The following BAZ2B variants were observed in gnomAD, a reference collection of about 807,000 sequenced individuals.
BAZ2B encodes bromodomain adjacent to zinc finger domain protein 2B.
In BAZ2B, 91 loss-of-function variants were observed where a neutral mutation model predicts 246.0. The observed-to-expected ratio is 0.37, with a 90% CI of 0.31 to 0.44. The LOEUF is 0.44. Ranked by LOEUF, BAZ2B falls within the 20% of genes least tolerant of loss-of-function variation. BAZ2B has a pLI of 1.00. For missense variants in BAZ2B, 2,332 were observed against 2,533.7 expected (o/e 0.92, Z 1.71); for synonymous variants, 855 against 860.0 (o/e 0.99, Z 0.10).
chr2:159,479,945 C>T (rs991088915), intron 2 of BAZ2B, among the ~76,000 whole-genome samples: 1 of 152,054 alleles, frequency 6.6e-6, no homozygotes, highest in Non-Finnish European at 1.5e-5. Flanking sequence ...CATATTCTTA[C>T]AGAATTTGTA....
At chr2:159,336,140 G>T (rs375398972) in intron 33 of BAZ2B, among the ~76,000 whole-genome samples, 4 of 152,124 alleles carry the variant, frequency 2.6e-5, no homozygotes, top group African/African-American at 9.7e-5. Context: ...CAGCCTGGGT[G>T]AGCGAGACTC....
At chr2:159,474,772 C>A (rs1045671525) in intron 3 of BAZ2B, among the ~76,000 whole-genome samples, 3 of 152,164 alleles carry the variant, frequency 2.0e-5, no homozygotes, top group Non-Finnish European at 2.9e-5. Flanking sequence ...AATCTCTTAG[C>A]ATTTGCTTGT....
chr2:159,551,466 CAAAAAA>C (rs57418948), intron 2 of BAZ2B, among the ~76,000 whole-genome samples: 4 of 71,658 alleles, frequency 5.6e-5, no homozygotes, highest in East Asian at 3.8e-4. Context: ...GACTCAGACT[CAAAAAA>C]AAAAAAAAAA....
intron 2 of BAZ2B, among the ~76,000 whole-genome samples, chr2:159,518,133 T>C (rs2083626680): frequency 6.6e-6 from 1 of 152,246 alleles, no homozygotes; most frequent in African/African-American, 2.4e-5. Context: ...CAATGATTTA[T>C]GACCATCTTA....
At chr2:159,442,774 T>C (rs1167311291) in intron 6 of BAZ2B, among the ~76,000 whole-genome samples, 1 of 152,212 alleles carries the variant, frequency 6.6e-6, no homozygotes. Flanking sequence ...TCCTTTTGCA[T>C]CTGGTTTACT....
the BAZ2B span, among the ~76,000 whole-genome samples, chr2:159,684,807 T>C: frequency 6.6e-6 from 1 of 152,252 alleles, no homozygotes; most frequent in African/African-American, 2.4e-5. Context: ...TTTTCTACAA[T>C]GGCATTCTAT....
intron 2 of BAZ2B, among the ~76,000 whole-genome samples, chr2:159,539,400 C>G (rs2086388465): frequency 6.6e-6 from 1 of 152,184 alleles, no homozygotes; most frequent in Non-Finnish European, 1.5e-5. Context: ...AGGGGCAACA[C>G]AGAAGAATGC....
At chr2:159,676,106 G>A in the BAZ2B span, among the ~76,000 whole-genome samples, 26 of 152,140 alleles carry the variant, frequency 1.7e-4, no homozygotes, top group Non-Finnish European at 2.9e-4. Flanking sequence ...TCTTGGCCAG[G>A]CTGGTCTTGA....
chr2:159,685,404 T>A, the BAZ2B span, among the ~76,000 whole-genome samples: 2 of 152,050 alleles, frequency 1.3e-5, no homozygotes, highest in Non-Finnish European at 2.9e-5. Flanking sequence ...GCTCTTAAAA[T>A]TTTTTTTGCA....
intron 2 of BAZ2B, among the ~76,000 whole-genome samples, chr2:159,541,314 C>T (rs12476343): frequency 0.35 from 52,892 of 151,354 alleles, 10,318 homozygotes; most frequent in Admixed American, 0.45. Context: ...AGTCTCGCTC[C>T]GTTGCCCAGG....
chr2:159,588,880 C>T (rs1301831055), intron 1 of BAZ2B, among the ~76,000 whole-genome samples: 1 of 152,056 alleles, frequency 6.6e-6, no homozygotes, highest in Non-Finnish European at 1.5e-5. Flanking sequence ...TCCTCAAATA[C>T]TGGGAACACA....
rs372763705 is a variant in BAZ2B at position 159,325,720 on chromosome 2, T to C, written c.6142A>G (p.Lys2048Glu). Residue 2048 changes from lysine to glutamate, a missense_variant, in exon 35 of 37, where the codon AAA becomes GAA. This residue lies in a region of BAZ2B where 210 missense variants were observed against 232.5 expected (regional missense o/e 0.90). Coordinates refer to ENST00000392783, the MANE Select transcript of BAZ2B (RefSeq NM_013450.4). ...MEENTSINLS[K>E]QESFTSVKKP... ...TTAACTGAAGTAAAACTTTCTTGTTTTGACAAGTTAATAGAAGTGTTTTCC... is the reference window on the plus strand; with the variant it reads ...TTAACTGAAGTAAAACTTTCTTGTTCTGACAAGTTAATAGAAGTGTTTTCC... 99 of 1,596,408 alleles carry C rather than the reference T, an allele frequency of 6.2e-5. No homozygotes were observed. Among genetic ancestry groups the C allele is most frequent in the Non-Finnish European group, 8.0e-5 (94 of 1,176,114 alleles).
intron 1 of BAZ2B, among the ~76,000 whole-genome samples, chr2:159,587,400 C>A (rs1688300602): frequency 6.6e-6 from 1 of 152,084 alleles, no homozygotes; most frequent in Non-Finnish European, 1.5e-5. Flanking sequence ...AATTGCCTAT[C>A]TAAACCTCAC....
the BAZ2B span, chr2:159,689,467 G>A: frequency 4.4e-6 from 1 of 229,168 alleles, no homozygotes; most frequent in East Asian, 1.4e-4. Context: ...TGCCTCCCAG[G>A]TTCAAGTCAT....
chr2:159,393,927 T>G (rs1224910791), intron 20 of BAZ2B, among the ~76,000 whole-genome samples: 1 of 152,172 alleles, frequency 6.6e-6, no homozygotes, highest in Admixed American at 6.5e-5. Flanking sequence ...GCGGGAGGGT[T>G]CATGTCTCTG....
At chr2:159,432,220 G>A (rs1287582240) in intron 9 of BAZ2B, among the ~76,000 whole-genome samples, 1 of 151,402 alleles carries the variant, frequency 6.6e-6, no homozygotes, top group African/African-American at 2.4e-5. Flanking sequence ...ATGAGGAGAG[G>A]GAAGGAAAAT....
chr2:159,348,012 C>T (rs2058130352), intron 30 of BAZ2B, among the ~76,000 whole-genome samples: 1 of 152,036 alleles, frequency 6.6e-6, no homozygotes, highest in African/African-American at 2.4e-5. Flanking sequence ...TAGAGATGTT[C>T]ACATCCCTTA....
intron 13 of BAZ2B, among the ~76,000 whole-genome samples, chr2:159,421,797 A>G (rs894352645): frequency 6.6e-6 from 1 of 152,302 alleles, no homozygotes; most frequent in South Asian, 2.1e-4. Context: ...AGGAAATCAA[A>G]CTATCTGTCT....
chr2:159,333,622 T>C (rs1263300960), intron 33 of BAZ2B, among the ~76,000 whole-genome samples: 2 of 152,136 alleles, frequency 1.3e-5, no homozygotes, highest in Admixed American at 6.5e-5. Flanking sequence ...TTTTTAAAAA[T>C]GAAAACATGT....
Sources: allele counts gnomAD v4.1 joint callset (sites outside exome capture counted in the v4.1 genomes callset), GRCh38; gene constraint gnomAD v4.1.1; regional missense constraint gnomAD v4.1.1; transcripts MANE v1.5; gene names NCBI Gene and HGNC (gene_info 2026-07-23, HGNC 2026-07-21).